ATRNL1: variants seen among roughly 807,000 people sequenced by gnomAD.
ATRNL1 encodes attractin like 1.
ATRNL1 carries 95 observed loss-of-function variants against 182.7 expected under a neutral mutation model. The ratio of observed to expected loss-of-function variants is 0.52; its 90% CI spans 0.44 to 0.62. The LOEUF (loss-of-function observed/expected upper bound fraction) is 0.62. ATRNL1 is among the 20% of genes least tolerant of loss of function. The probability of loss-of-function intolerance (pLI) is 0.00; values close to 1 mark genes in which losing one functional copy is unlikely to be tolerated. For synonymous variants in ATRNL1, 576 were observed against 568.3 expected (o/e 1.01, Z -0.19); for missense variants, 1,471 against 1,679.5 (o/e 0.88, Z 2.17).
intron 10 of ATRNL1, among the ~76,000 whole-genome samples, chr10:115,243,160 T>G (rs111974122): frequency 0.023 from 3,484 of 152,204 alleles, 51 homozygotes; most frequent in South Asian, 0.036. Context: ...ATTTTGAACT[T>G]TTGCAAAAGG....
intron 26 of ATRNL1, among the ~76,000 whole-genome samples, chr10:115,572,611 G>A (rs1854465995): frequency 6.6e-6 from 1 of 152,158 alleles, no homozygotes; most frequent in South Asian, 2.1e-4. Context: ...AGAGATTCAA[G>A]AGGGGAAGGT....
chr10:115,914,288 A>T (rs1952777795), intron 28 of ATRNL1, among the ~76,000 whole-genome samples: 1 of 152,208 alleles, frequency 6.6e-6, no homozygotes, highest in Non-Finnish European at 1.5e-5. Flanking sequence ...AGTGGTGTGA[A>T]AATGACCTAA....
intron 28 of ATRNL1, among the ~76,000 whole-genome samples, chr10:115,936,315 T>C (rs1019051935): frequency 6.6e-6 from 1 of 152,186 alleles, no homozygotes; most frequent in African/African-American, 2.4e-5. Flanking sequence ...AAAGAATTCG[T>C]GTGCTAGATC....
At chr10:115,533,257 T>C (rs1199861528) in intron 25 of ATRNL1, among the ~76,000 whole-genome samples, 14 of 151,938 alleles carry the variant, frequency 9.2e-5, no homozygotes, top group African/African-American at 3.4e-4. Flanking sequence ...TGGTAAGCTA[T>C]TGATTATTGC....
At chr10:115,236,979 C>A (rs1554901575) in intron 9 of ATRNL1, among the ~76,000 whole-genome samples, 1 of 152,154 alleles carries the variant, frequency 6.6e-6, no homozygotes, top group African/African-American at 2.4e-5. Flanking sequence ...TCTAGAATGT[C>A]ATAAAGCTGG....
At chr10:115,376,559 A>C (rs996679202) in intron 19 of ATRNL1, among the ~76,000 whole-genome samples, 1 of 151,998 alleles carries the variant, frequency 6.6e-6, no homozygotes, top group Non-Finnish European at 1.5e-5. Context: ...GGGTCTCGCT[A>C]TGTTGCCCAG....
chr10:115,839,345 C>T (rs1555096455), intron 27 of ATRNL1, among the ~76,000 whole-genome samples: 1 of 152,092 alleles, frequency 6.6e-6, no homozygotes, highest in Non-Finnish European at 1.5e-5. Context: ...CATCTCAGCA[C>T]AGCATTTGAA....
chr10:115,764,981 T>C (rs1172255997), intron 27 of ATRNL1, among the ~76,000 whole-genome samples: 1 of 152,160 alleles, frequency 6.6e-6, no homozygotes, highest in Non-Finnish European at 1.5e-5. Context: ...GCCTCCTCCA[T>C]GTCTTTTTAT....
rs377011388 is a variant in ATRNL1 at position 115,286,244 on chromosome 10, T to A, written c.2262T>A (p.His754Gln). Residue 754 changes from histidine (H) to glutamine (Q), a missense_variant, in exon 15 of 29, where the codon CAT (histidine) becomes CAA (glutamine). Around this residue, in one of 3 missense-constraint regions of ATRNL1, gnomAD observed 1,031 missense variants for 1,156.0 expected, o/e 0.89. Coordinates refer to ENST00000355044, the MANE Select transcript of ATRNL1 (RefSeq NM_207303.4). ...ATCTTTGTGGAGAAGGATGGAGTCATATTGGGGATGCTTGTCTTAGAGTCA... is the reference window on the plus strand; with the variant it reads ...ATCTTTGTGGAGAAGGATGGAGTCAAATTGGGGATGCTTGTCTTAGAGTCA... ...PAHLCGEGWS[H>Q]IGDACLRVNS... 1 of 1,592,134 alleles carries A rather than the reference T, an allele frequency of 6.3e-7. No individual in the cohort carries two copies. The highest frequency in any genetic ancestry group is 1.7e-5 in the Admixed American group (1 of 59,342).
intron 27 of ATRNL1, among the ~76,000 whole-genome samples, chr10:115,836,535 T>C (rs1555095517): frequency 1.3e-5 from 2 of 152,306 alleles, no homozygotes; most frequent in Non-Finnish European, 2.9e-5. Flanking sequence ...CTCCCCTCGC[T>C]TCTGGCGTTG....
At chr10:115,734,240 T>C (rs1432502175) in intron 27 of ATRNL1, among the ~76,000 whole-genome samples, 1 of 152,164 alleles carries the variant, frequency 6.6e-6, no homozygotes, top group Non-Finnish European at 1.5e-5. Context: ...TCTTGAGGTA[T>C]ATTGCTTATT....
chr10:115,715,379 A>G (rs2134028160), intron 26 of ATRNL1, among the ~76,000 whole-genome samples: 1 of 152,292 alleles, frequency 6.6e-6, no homozygotes, highest in East Asian at 1.9e-4. Context: ...TAGACATAAT[A>G]AACTGAATGT....
At chr10:115,514,892 G>A (rs947483459) in intron 24 of ATRNL1, among the ~76,000 whole-genome samples, 1 of 151,646 alleles carries the variant, frequency 6.6e-6, no homozygotes, top group Non-Finnish European at 1.5e-5. Flanking sequence ...CCCCACTTTT[G>A]TTGGACCTTC....
chr10:115,758,594 T>C (rs1210585076), intron 27 of ATRNL1, among the ~76,000 whole-genome samples: 5 of 152,228 alleles, frequency 3.3e-5, no homozygotes, highest in African/African-American at 1.2e-4. Flanking sequence ...CCAATCTGTA[T>C]ACACGGGGGT....
intron 26 of ATRNL1, among the ~76,000 whole-genome samples, chr10:115,602,965 TA>T (rs1388580064): frequency 6.6e-5 from 10 of 152,026 alleles, no homozygotes; most frequent in Admixed American, 6.6e-4. Flanking sequence ...TGGTTTATTA[TA>T]AGGAATGTTA....
At chr10:115,268,839 G>C (rs999216699) in intron 13 of ATRNL1, among the ~76,000 whole-genome samples, 3 of 152,144 alleles carry the variant, frequency 2.0e-5, no homozygotes. Flanking sequence ...CTAGTGCTTT[G>C]TTTTCACACT....
chr10:115,236,253 T>C (rs2133806730), intron 9 of ATRNL1, among the ~76,000 whole-genome samples: 1 of 152,324 alleles, frequency 6.6e-6, no homozygotes, highest in African/African-American at 2.4e-5. Flanking sequence ...ACTACGCATA[T>C]ATCCATTTAT....
intron 23 of ATRNL1, 63 bp from the exon 24 acceptor site, chr10:115,469,109 A>G (rs1312346394): frequency 1.0e-5 from 6 of 573,640 alleles, no homozygotes; most frequent in Non-Finnish European, 1.6e-5. Flanking sequence ...AAACTATAAT[A>G]TGCATTTTTA....
chr10:115,710,484 T>C (rs1947031036), intron 26 of ATRNL1, among the ~76,000 whole-genome samples: 3 of 152,130 alleles, frequency 2.0e-5, no homozygotes, highest in Admixed American at 2.0e-4. Flanking sequence ...TGAATCAAGA[T>C]AGAGTAATTA....
Sources: allele counts gnomAD v4.1 joint callset (sites outside exome capture counted in the v4.1 genomes callset), GRCh38; gene constraint gnomAD v4.1.1; regional missense constraint gnomAD v4.1.1; transcripts MANE v1.5; gene names NCBI Gene and HGNC (gene_info 2026-07-23, HGNC 2026-07-21).